The following MYO1B variants were observed in gnomAD, a reference collection of about 807,000 sequenced individuals.
The protein encoded by MYO1B is myosin IB, also known as unconventional myosin-Ib.
A neutral mutation model predicts 159.7 loss-of-function variants in MYO1B; 72 were observed. That is an observed-to-expected ratio of 0.45 (90% CI 0.37 to 0.55). MYO1B has a LOEUF of 0.55. MYO1B is among the 20% of genes least tolerant of loss of function. The pLI, the probability that MYO1B is intolerant of heterozygous loss-of-function variation, is 0.00. For missense variants in MYO1B, 1,062 were observed against 1,364.8 expected, an observed-to-expected ratio of 0.78 and a Z score of 3.50; for synonymous variants, 468 against 473.8, an observed-to-expected ratio of 0.99 and a Z score of 0.16.
chr2:191,391,307 A>G (rs1275175333), intron 18 of MYO1B, among the ~76,000 whole-genome samples: 6 of 152,242 alleles, frequency 3.9e-5, no homozygotes, highest in Non-Finnish European at 8.8e-5. Flanking sequence ...TATTGCCTAC[A>G]CATTATTCTC....
At chr2:191,294,188 T>C (rs1338763081) in intron 2 of MYO1B, among the ~76,000 whole-genome samples, 1 of 152,206 alleles carries the variant, frequency 6.6e-6, no homozygotes, top group Non-Finnish European at 1.5e-5. Flanking sequence ...CTTTTGATTT[T>C]GAATTTGAGG....
At position 191,364,228 on chromosome 2, in the gene MYO1B, A is replaced by G; in HGVS notation, c.984A>G (p.Thr328=). ...SVLERAFSFR[T]VEAKQEKVST... ...TAGAACGAGCATTCAGTTTCCGAAC[A>G]GTTGAGGCCAAACAGGAGAAAGTTT... Residue 328 remains threonine (T), a synonymous_variant, in exon 11 of 31, where the codon ACA becomes ACG. Transcript: ENST00000392318. 6.2e-7 allele frequency: 1 copy of G among 1,613,996 alleles called. No individual in the cohort carries two copies. The highest frequency in any genetic ancestry group is 8.5e-7 in the Non-Finnish European group (1 of 1,179,868).
At chr2:191,262,665 G>T (rs1184902294) in intron 1 of MYO1B, among the ~76,000 whole-genome samples, 1 of 151,938 alleles carries the variant, frequency 6.6e-6, no homozygotes, top group Non-Finnish European at 1.5e-5. Context: ...AGCTCCTTAG[G>T]TCTGACTCCT....
intron 12 of MYO1B, 136 bp downstream of exon 12, chr2:191,369,764 C>A: frequency 1.4e-6 from 1 of 690,394 alleles, no homozygotes; most frequent in Non-Finnish European, 2.4e-6. Flanking sequence ...AAGAGTGTAC[C>A]ATGTATAAGA....
intron 3 of MYO1B, among the ~76,000 whole-genome samples, chr2:191,316,986 A>G (rs962279823): frequency 3.3e-5 from 5 of 152,224 alleles, no homozygotes; most frequent in African/African-American, 1.2e-4. Context: ...TTGTTGGTGC[A>G]GAAAACTTGT....
Position 191,390,404 on chromosome 2 carries a change from T to C in MYO1B, c.1894T>C (p.Tyr632His). Residue 632 changes from tyrosine (Y) to histidine (H), a missense_variant, in exon 18 of 31, where the codon TAC (tyrosine) becomes CAC (histidine). Physicochemically the swap from Tyr to His is moderately conservative, Grantham distance 83 (BLOSUM62 2). This residue lies in a region of MYO1B where 609 missense variants were observed against 744.4 expected (regional missense o/e 0.82). Coordinates refer to ENST00000392318, the MANE Select transcript of MYO1B (RefSeq NM_001130158.3). ...GAACGTCCGAGTGCGGAGGGCAGGC[T>C]ACGCCTTCAGGCAGGCCTATGAACC... Reference protein sequence around the residue: ...LENVRVRRAGYAFRQAYEPCL... With the variant: ...LENVRVRRAGHAFRQAYEPCL... 6.2e-7 allele frequency: 1 copy of C among 1,614,254 alleles called. No individual in the cohort carries two copies.
rs1697450563 is a variant in MYO1B at position 191,414,635 on chromosome 2, A to T, written c.3125A>T (p.Gln1042Leu). The T allele has an allele frequency of 6.2e-7, 1 of 1,612,946 alleles. No individual in the cohort carries two copies. The highest frequency in any genetic ancestry group is 1.3e-5 in the African/African-American group (1 of 74,922). ...GTGACCAAGGTATCAATGAGCTCACAAAATGATGGCTTCTTCGCCGTCCAC... is the reference window on the plus strand; with the variant it reads ...GTGACCAAGGTATCAATGAGCTCACTAAATGATGGCTTCTTCGCCGTCCAC... ...VDVTKVSMSS[Q>L]NDGFFAVHLK... The change falls in exon 29 of 31, where the codon CAA becomes CTA. Residue 1042 changes from glutamine (Q) to leucine (L), a missense_variant. Physicochemically the swap from Gln to Leu is moderately radical, Grantham distance 113 (BLOSUM62 -2). Around this residue, in one of 5 missense-constraint regions of MYO1B, gnomAD observed 609 missense variants for 744.4 expected, o/e 0.82. Transcript: ENST00000392318.
At chr2:191,331,852 T>C (rs1691501421) in intron 4 of MYO1B, among the ~76,000 whole-genome samples, 1 of 152,250 alleles carries the variant, frequency 6.6e-6, no homozygotes. Context: ...TCTCTCATTA[T>C]CTTGGTCCTG....
At chr2:191,335,231 A>G (rs78376390) in intron 4 of MYO1B, among the ~76,000 whole-genome samples, 2 of 152,020 alleles carry the variant, frequency 1.3e-5, no homozygotes, top group Admixed American at 6.6e-5. Context: ...AGTCCTTTTC[A>G]CTTATGGAAC....
intron 24 of MYO1B, chr2:191,407,671 T>C (rs1265054914): frequency 6.6e-6 from 1 of 152,348 alleles, no homozygotes; most frequent in Non-Finnish European, 1.5e-5. Flanking sequence ...CTTAGCCATA[T>C]TCAGTTCTCA....
At chr2:191,300,202 A>G (rs939401996) in intron 3 of MYO1B, among the ~76,000 whole-genome samples, 2 of 152,170 alleles carry the variant, frequency 1.3e-5, no homozygotes, top group Admixed American at 6.5e-5. Flanking sequence ...TTAGCTTTTG[A>G]TGCATTCTAA....
chr2:191,328,562 C>G (rs750844158), intron 3 of MYO1B, among the ~76,000 whole-genome samples: 1 of 152,204 alleles, frequency 6.6e-6, no homozygotes, highest in Non-Finnish European at 1.5e-5. Context: ...ACGTAAAGAG[C>G]TTGGAGGCAG....
At chr2:191,349,127 C>T (rs1406831372) in intron 6 of MYO1B, among the ~76,000 whole-genome samples, 1 of 152,200 alleles carries the variant, frequency 6.6e-6, no homozygotes, top group African/African-American at 2.4e-5. Flanking sequence ...TCAATTCCCC[C>T]GCTAGACAGT....
At chr2:191,303,534 C>G (rs35200176) in intron 3 of MYO1B, among the ~76,000 whole-genome samples, 1 of 152,000 alleles carries the variant, frequency 6.6e-6, no homozygotes, top group Non-Finnish European at 1.5e-5. Context: ...AGAGCTTACC[C>G]TGTGCCAGGC....
intron 1 of MYO1B, among the ~76,000 whole-genome samples, chr2:191,264,616 C>G (rs1344789414): frequency 6.6e-6 from 1 of 151,958 alleles, no homozygotes; most frequent in Non-Finnish European, 1.5e-5. Context: ...CCTGGTTATT[C>G]TGTGCATCTT....
Position 191,390,352 on chromosome 2 carries a change from T to C in MYO1B, c.1842T>C (p.His614=), listed in dbSNP as rs956787963. Residue 614 remains histidine, a synonymous_variant, in exon 18 of 31, where the codon CAT becomes CAC. Transcript: ENST00000392318. ...AHIFNEALVC[H]QIRYLGLLEN... is the part of the protein sequence containing the mutation. ...TCTTCAACGAGGCTCTAGTGTGTCATCAGATCAGGTACCTGGGGCTTTTGG... is the reference window on the plus strand; with the variant it reads ...TCTTCAACGAGGCTCTAGTGTGTCACCAGATCAGGTACCTGGGGCTTTTGG... 1 of 1,614,244 alleles carries C rather than the reference T, an allele frequency of 6.2e-7. No homozygotes were observed.
At chr2:191,311,700 C>T (rs1690012276) in intron 3 of MYO1B, among the ~76,000 whole-genome samples, 1 of 152,106 alleles carries the variant, frequency 6.6e-6, no homozygotes, top group Admixed American at 6.5e-5. Flanking sequence ...AGACTCTCAT[C>T]TAAGGTCAGG....
intron 2 of MYO1B, 114 bp downstream of exon 2, chr2:191,277,144 T>C: frequency 1.6e-6 from 2 of 1,272,276 alleles, no homozygotes; most frequent in South Asian, 2.8e-5. Context: ...AGTCCAGCAG[T>C]ATTTGCTTTA....
At position 191,379,336 on chromosome 2, in the gene MYO1B, T is replaced by G. The variant is rs374166889; in HGVS notation, c.1186-2126T>G. On this transcript the variant is annotated intron_variant, in intron 13 of 30. Coordinates refer to ENST00000392318, the MANE Select transcript of MYO1B (RefSeq NM_001130158.3). Reference sequence around the variant, plus strand: ...CTCTTGTGTTAATAGCTTCTCTAGCTGTGTGAGTTTTGCAGTAAGTGGTTG... The same window carrying G: ...CTCTTGTGTTAATAGCTTCTCTAGCGGTGTGAGTTTTGCAGTAAGTGGTTG... 7.2e-5 allele frequency: 11 copies of G among 152,694 alleles called. No homozygotes were observed. In the East Asian group the frequency reaches 1.9e-3, roughly 27 times the overall value. The allele number at this position is 152,694 out of a possible 1,614,324, so 9.5% of individuals were successfully genotyped here.
Sources: gnomAD v4.1 joint callset for allele counts (sites outside exome capture counted in the v4.1 genomes callset) on GRCh38, gnomAD v4.1.1 for gene constraint, gnomAD v4.1.1 regional missense constraint, MANE v1.5 for transcripts, NCBI Gene and HGNC (gene_info 2026-07-23, HGNC 2026-07-21) for gene names.